The following SMIM5 variants were observed in gnomAD, a reference collection of about 807,000 sequenced individuals.
SMIM5 encodes the protein small integral membrane protein 5.
In SMIM5, 4 loss-of-function variants were observed where a neutral mutation model predicts 4.0. The observed-to-expected ratio is 1.01, with a 90% CI of 0.50 to 2.30. The LOEUF (loss-of-function observed/expected upper bound fraction) is 2.30. Among genes scored for constraint, SMIM5 ranks in the 30% most tolerant of loss-of-function variants. SMIM5 has a pLI of 0.02. For synonymous variants in SMIM5, 46 were observed against 43.6 expected, an observed-to-expected ratio of 1.05 and a Z score of -0.22; for missense variants, 107 against 99.2, an observed-to-expected ratio of 1.08 and a Z score of -0.34.
In SMIM5 at chr17:75,636,416, T is replaced by A. The variant is rs1196095452; in HGVS notation, c.-37+2214T>A. On this transcript the variant is annotated intron_variant, in intron 1 of 2. Coordinates refer to ENST00000375215, the MANE Select transcript of SMIM5 (RefSeq NM_001162995.3). This position sits in a 1 kb window ranked among gnomAD's most constrained non-coding sequence, Gnocchi z 5.4. ...GGATCATCAGTAGCCCTCCTGGGCT[T>A]CCCTGCCTTCCTCCTGCCAAACCTA... is the stretch of plus-strand genomic sequence containing the variant. 6.6e-6 allele frequency among the ~76,000 whole-genome samples: 1 copy of A among 152,158 alleles called. No homozygotes were observed. Among genetic ancestry groups the A allele is most frequent in the Non-Finnish European group, 1.5e-5 (1 of 68,002 alleles).
In SMIM5 at chr17:75,635,813, C is replaced by T. The variant is rs562381518; in HGVS notation, c.-37+1611C>T. ...CGCGCTGCCAACACACCTCGCTTATCAGTCTCAAACACGCCGCCTGCTGCC... is the reference window on the plus strand; with the variant it reads ...CGCGCTGCCAACACACCTCGCTTATTAGTCTCAAACACGCCGCCTGCTGCC... On this transcript the variant is annotated intron_variant, in intron 1 of 2. Coordinates refer to ENST00000375215, the MANE Select transcript of SMIM5 (RefSeq NM_001162995.3). 1.0e-3 allele frequency: 1,016 copies of T among 985,482 alleles called. 1 individual carries two copies. Among genetic ancestry groups the T allele is most frequent in the Middle Eastern group, 1.0e-3 (2 of 1,914 alleles). The allele number at this position is 985,482 out of a possible 1,614,324, so 61.0% of individuals were successfully genotyped here.
rs144686095 is a variant in SMIM5, at chr17:75,640,061, A to G, written c.-36-105A>G. 1.1e-3 allele frequency: 1,368 copies of G among 1,261,172 alleles called. 12 individuals are homozygous for G. In the African/African-American group the frequency reaches 0.018, roughly 16 times the overall value. The allele number at this position is 1,261,172 out of a possible 1,614,324, so 78.1% of individuals were successfully genotyped here. A position where few individuals can be genotyped will look rare whatever the true frequency, so the allele number is the denominator to read the frequency against. On this transcript the variant is annotated intron_variant, in intron 1 of 2. Transcript: ENST00000375215. The surrounding 1 kb of genome is among the most constrained non-coding windows in gnomAD (Gnocchi z 4.6). Reference sequence around the variant, plus strand: ...AGGGGTGCAATGTGTGAGACCTGACAAACTTGTTCTGCGGGCTGCGGATGG... The same window carrying G: ...AGGGGTGCAATGTGTGAGACCTGACGAACTTGTTCTGCGGGCTGCGGATGG...
At position 75,633,867 on chromosome 17, in the gene SMIM5, G is replaced by A; in HGVS notation, c.-372G>A. The A allele has an allele frequency of 3.0e-6, 3 of 994,568 alleles. No homozygotes were observed. Among genetic ancestry groups the A allele is most frequent in the African/African-American group, 1.7e-5 (1 of 57,512 alleles). The allele number at this position is 994,568 out of a possible 1,614,324, so 61.6% of individuals were successfully genotyped here. A position where few individuals can be genotyped will look rare whatever the true frequency, so the allele number is the denominator to read the frequency against. ...CAGCCCACGGCGTGGGAGTCGGGGA[G>A]AGGGAGAGGAGGAGGAAGGAGGAGG... is the stretch of plus-strand genomic sequence containing the variant. On this transcript the variant is annotated 5_prime_UTR_variant, in exon 1 of 3. Transcript: ENST00000375215.
At position 75,640,755 on chromosome 17, in the gene SMIM5, C is replaced by T. The variant is rs2059421103; in HGVS notation, c.128-36C>T. The T allele has an allele frequency of 1.3e-6, 2 of 1,540,742 alleles. No individual in the cohort carries two copies. Among genetic ancestry groups the T allele is most frequent in the Non-Finnish European group, 1.8e-6 (2 of 1,140,150 alleles). ...GGAGGGTGGGCATCCTTTCTCTCCC[C>T]CAACCTGAGTCCCGTGCTCTCTCCC... On this transcript the variant is annotated intron_variant, in intron 2 of 2. Transcript: ENST00000375215. This position sits in a 1 kb window ranked among gnomAD's most constrained non-coding sequence, Gnocchi z 4.6.
chr17:75,634,768 ACTC>A (rs2059287563), intron 1 of SMIM5, among the ~76,000 whole-genome samples: 1 of 151,786 alleles, frequency 6.6e-6, no homozygotes, highest in South Asian at 2.1e-4. Context: ...AACCCCATAA[ACTC>A]CTAGATCTCC....
At position 75,633,575 on chromosome 17, in the gene SMIM5, G is replaced by A. The variant is rs1180017900; in HGVS notation, c.-664G>A. The A allele has an allele frequency of 1.0e-5, 13 of 1,251,494 alleles. No individual in the cohort carries two copies. The East Asian group carries it at 5.8e-4, about 56-fold the overall frequency. The allele number at this position is 1,251,494 out of a possible 1,614,324, so 77.5% of individuals were successfully genotyped here. On this transcript the variant is annotated 5_prime_UTR_variant, in exon 1 of 3. Transcript: ENST00000375215. ...CTGAGCGGCACAAGGGCCTCCCCAGGGACTGGTTGCAAAGCCTCCTGCTCA... is the reference window on the plus strand; with the variant it reads ...CTGAGCGGCACAAGGGCCTCCCCAGAGACTGGTTGCAAAGCCTCCTGCTCA...
Position 75,640,304 on chromosome 17 carries a change from T to C in SMIM5, c.103T>C (p.Phe35Leu). Residue 35 changes from phenylalanine to leucine, a missense_variant, in exon 2 of 3, where the codon TTC (phenylalanine) becomes CTC (leucine). By Grantham distance (22) the Phe-to-Leu change is conservative. Coordinates refer to ENST00000375215, the MANE Select transcript of SMIM5 (RefSeq NM_001162995.3). This position sits in a 1 kb window ranked among gnomAD's most constrained non-coding sequence, Gnocchi z 4.6. ...PQAEPVEIVA[F>L]SVIILFTATV... Reference sequence around the variant, plus strand: ...GGCTGAGCCCGTGGAGATCGTGGCCTTCTCAGTCATCATCCTTTTCACAGG... The same window carrying C: ...GGCTGAGCCCGTGGAGATCGTGGCCCTCTCAGTCATCATCCTTTTCACAGG... 6.5e-7 allele frequency: 1 copy of C among 1,549,896 alleles called. No homozygotes were observed. The highest frequency in any genetic ancestry group is 1.2e-5 in the South Asian group (1 of 83,822).
Position 75,640,419 on chromosome 17 carries a change from G to T in SMIM5, c.127+91G>T. 1 of 1,446,448 alleles carries T rather than the reference G, an allele frequency of 6.9e-7. No individual in the cohort carries two copies. 89.6% of individuals were successfully genotyped at this position (1,446,448 alleles called of 1,614,324 possible). On this transcript the variant is annotated intron_variant, in intron 2 of 2. Transcript: ENST00000375215. The surrounding 1 kb of genome is among the most constrained non-coding windows in gnomAD (Gnocchi z 4.6). The stretch of plus-strand genomic sequence containing the variant: ...CAGCCAGAGGGCTGGCAGAGGTGGC[G>T]GGTGTCTGCCGGATCAAGGAGGAAA...
chr17:75,634,752 A>G (rs1280460012), intron 1 of SMIM5, among the ~76,000 whole-genome samples: 2 of 152,148 alleles, frequency 1.3e-5, no homozygotes, highest in Non-Finnish European at 2.9e-5. Context: ...CCCTGGGCCC[A>G]TCTAGAACCC....
chr17:75,634,897 G>A (rs1018608301), intron 1 of SMIM5, among the ~76,000 whole-genome samples: 1 of 152,164 alleles, frequency 6.6e-6, no homozygotes. Flanking sequence ...GCTGGCAACC[G>A]GGACCTCTGC....
In SMIM5 at chr17:75,641,306, G is replaced by T. The variant is rs937653507; in HGVS notation, c.*409G>T. ...AGCAAGGCAATCAGAGGGGCTTTGTGCAATAGCTTCTGCATCCGAGCTCCC... is the reference window on the plus strand; with the variant it reads ...AGCAAGGCAATCAGAGGGGCTTTGTTCAATAGCTTCTGCATCCGAGCTCCC... On this transcript the variant is annotated 3_prime_UTR_variant, in exon 3 of 3. Coordinates refer to ENST00000375215, the MANE Select transcript of SMIM5 (RefSeq NM_001162995.3). 15 of 174,038 alleles carry T rather than the reference G, an allele frequency of 8.6e-5. No homozygotes were observed. Among genetic ancestry groups the T allele is most frequent in the Non-Finnish European group, 3.7e-5 (3 of 80,048 alleles). The allele number at this position is 174,038 out of a possible 1,614,324, so 10.8% of individuals were successfully genotyped here.
At chr17:75,635,870 G>GT (rs1568265127) in intron 1 of SMIM5, 3 of 985,352 alleles carry the variant, frequency 3.0e-6, no homozygotes, top group African/African-American at 3.5e-5. Context: ...TGGGGTTGGA[G>GT]TATCAGCTCT....
chr17:75,633,560 C>G lies in SMIM5; in HGVS notation c.-679C>G. ...AGACGCCTTCAGATGCTGAGCGGCACAAGGGCCTCCCCAGGGACTGGTTGC... is the reference window on the plus strand; with the variant it reads ...AGACGCCTTCAGATGCTGAGCGGCAGAAGGGCCTCCCCAGGGACTGGTTGC... On this transcript the variant is annotated 5_prime_UTR_variant, in exon 1 of 3. Transcript: ENST00000375215. The G allele has an allele frequency of 7.9e-7, 1 of 1,273,166 alleles. No homozygotes were observed. Among genetic ancestry groups the G allele is most frequent in the South Asian group, 1.3e-5 (1 of 78,588 alleles). 78.9% of individuals were successfully genotyped at this position (1,273,166 alleles called of 1,614,324 possible). A position where few individuals can be genotyped will look rare whatever the true frequency, so the allele number is the denominator to read the frequency against.
At chr17:75,638,601 G>C (rs905615631) in intron 1 of SMIM5, 1 of 152,304 alleles carries the variant, frequency 6.6e-6, no homozygotes, top group Admixed American at 6.5e-5. Context: ...GGGGGTGCTA[G>C]TGACGGTGCA....
At chr17:75,639,742 G>C (rs1291615932) in intron 1 of SMIM5, 1 of 155,346 alleles carries the variant, frequency 6.4e-6, no homozygotes, top group Non-Finnish European at 1.4e-5. Context: ...GCTCTCGGGA[G>C]AACCTGCTCC....
chr17:75,635,801 C>G (rs538608178), intron 1 of SMIM5: 1 of 985,364 alleles, frequency 1.0e-6, no homozygotes, highest in African/African-American at 1.7e-5. Flanking sequence ...GCTGCCAACA[C>G]ACCTCGCTTA....
rs1156848124 is a variant in SMIM5, at chr17:75,636,800, G to C, written c.-37+2598G>C. 6.6e-6 allele frequency: 1 copy of C among 152,490 alleles called. No homozygotes were observed. The highest frequency in any genetic ancestry group is 1.9e-4 in the East Asian group (1 of 5,204). The allele number at this position is 152,490 out of a possible 1,614,324, so 9.4% of individuals were successfully genotyped here. On this transcript the variant is annotated intron_variant, in intron 1 of 2. Transcript: ENST00000375215. The surrounding 1 kb of genome is among the most constrained non-coding windows in gnomAD (Gnocchi z 5.4). ...GGGGTTCCTCTCCAGCTCTCTGGGG[G>C]CAGAACAGCCACGTCCAACGGTCCT...
At chr17:75,639,972 T>C (rs2059403014) in intron 1 of SMIM5, 194 bp from the exon 2 acceptor site, 2 of 533,346 alleles carry the variant, frequency 3.7e-6, no homozygotes, top group South Asian at 5.7e-5. Flanking sequence ...CCTCACCGGC[T>C]TCCTCCACCC....
intron 1 of SMIM5, among the ~76,000 whole-genome samples, chr17:75,634,460 C>A (rs1213066553): frequency 6.6e-6 from 1 of 152,198 alleles, no homozygotes; most frequent in African/African-American, 2.4e-5. Context: ...GCAGAGGGGC[C>A]CCGAGGGCCT....
Sources: gnomAD v4.1 joint callset for allele counts (sites outside exome capture counted in the v4.1 genomes callset) on GRCh38, gnomAD v4.1.1 for gene constraint, Gnocchi (gnomAD v3.1) non-coding constraint, MANE v1.5 for transcripts, NCBI Gene and HGNC (gene_info 2026-07-23, HGNC 2026-07-21) for gene names.